TMEM94: variants seen among roughly 807,000 people sequenced by gnomAD.
TMEM94 encodes the protein ER Mg2+ ATPase.
Under a neutral mutation model 158.6 loss-of-function variants are expected in TMEM94, and 81 were observed. The observed-to-expected ratio is 0.51, with a 90% CI of 0.43 to 0.61. The LOEUF is 0.61. Among genes scored for constraint, TMEM94 ranks in the 20% least tolerant of loss-of-function variants. The probability of loss-of-function intolerance (pLI) is 0.00; values close to 1 mark genes in which losing one functional copy is unlikely to be tolerated. For synonymous variants in TMEM94, 751 were observed against 730.7 expected (o/e 1.03, Z -0.45); for missense variants, 1,435 against 1,762.0 (o/e 0.81, Z 3.32).
chr17:75,497,072 C>T lies in TMEM94; in HGVS notation c.3322-41C>T. 3.2e-6 allele frequency: 5 copies of T among 1,563,486 alleles called. No homozygotes were observed. The South Asian group carries it at 4.4e-5, about 14-fold the overall frequency. ...GGGGCTCCTATGCCCTTATTATTTGCCTGAATTGAACTGTGGCTCTTGGCT... is the reference window on the plus strand; with the variant it reads ...GGGGCTCCTATGCCCTTATTATTTGTCTGAATTGAACTGTGGCTCTTGGCT... On this transcript the variant is annotated intron_variant, in intron 25 of 31. Transcript: ENST00000314256.
chr17:75,497,867 G>A lies in TMEM94; in HGVS notation c.3489+5G>A. On this transcript the variant is annotated splice_donor_5th_base_variant and intron_variant, in intron 27 of 31. Coordinates refer to ENST00000314256, the MANE Select transcript of TMEM94 (RefSeq NM_014738.6). ...CTCCAGTCCATTCCCAAGAAGGTAA[G>A]CAAAACAGACCCTGTGAGCCTTGCA... 1.9e-6 allele frequency: 3 copies of A among 1,612,052 alleles called. No individual in the cohort carries two copies. The African/African-American group carries it at 4.0e-5, about 21-fold the overall frequency.
Position 75,491,968 on chromosome 17 carries a change from G to C in TMEM94, c.1596+68G>C. Reference sequence around the variant, plus strand: ...CAGGCTGTCCTGGCCTCCCTGGCCAGCCTGGCCTCACAAGGTCTGAAAGAG... The same window carrying C: ...CAGGCTGTCCTGGCCTCCCTGGCCACCCTGGCCTCACAAGGTCTGAAAGAG... On this transcript the variant is annotated intron_variant, in intron 14 of 31. Coordinates refer to ENST00000314256, the MANE Select transcript of TMEM94 (RefSeq NM_014738.6). This position sits in a 1 kb window ranked among gnomAD's most constrained non-coding sequence, Gnocchi z 5.1. 6.8e-7 allele frequency: 1 copy of C among 1,474,930 alleles called. No homozygotes were observed. The highest frequency in any genetic ancestry group is 2.5e-5 in the East Asian group (1 of 40,690). 91.4% of individuals were successfully genotyped at this position (1,474,930 alleles called of 1,614,324 possible).
At chr17:75,490,204 G>T in intron 9 of TMEM94, 30 bp from the exon 10 acceptor site, 1 of 1,613,326 alleles carries the variant, frequency 6.2e-7, no homozygotes, top group Non-Finnish European at 8.5e-7. Flanking sequence ...CGGAGCTCAG[G>T]AGCCATCTGT....
At position 75,493,587 on chromosome 17, in the gene TMEM94, C is replaced by T; in HGVS notation, c.2183C>T (p.Ser728Phe). ...DGADIYPLSG[S>F]DRKKVLDFYQ... ...GCTGACATCTACCCTCTCTCGGGAT[C>T]TGACAGGTGGGTGAGGAAGCACATG... is the stretch of plus-strand genomic sequence containing the variant. Residue 728 changes from serine to phenylalanine, a missense_variant, in exon 17 of 32, where the codon TCT becomes TTT. Ser to Phe is a radical substitution (Grantham distance 155, BLOSUM62 -2). Coordinates refer to ENST00000314256, the MANE Select transcript of TMEM94 (RefSeq NM_014738.6). 1 of 1,613,988 alleles carries T rather than the reference C, an allele frequency of 6.2e-7. No individual in the cohort carries two copies. The highest frequency in any genetic ancestry group is 1.3e-5 in the African/African-American group (1 of 75,066).
intron 23 of TMEM94, 49 bp downstream of exon 23, chr17:75,496,123 C>A (rs778013478): frequency 1.3e-6 from 2 of 1,538,666 alleles, no homozygotes; most frequent in African/African-American, 1.4e-5. Flanking sequence ...CCTCCCAGAC[C>A]GGAGGATCAG....
intron 18 of TMEM94, among the ~76,000 whole-genome samples, chr17:75,494,411 CTTG>C (rs1176315865): frequency 2.6e-5 from 4 of 152,210 alleles, no homozygotes; most frequent in East Asian, 1.9e-4. Context: ...GAAGCCACGC[CTTG>C]TTGTAGCTTC....
chr17:75,468,861 G>C (rs967898828), intron 1 of TMEM94, among the ~76,000 whole-genome samples: 3 of 152,156 alleles, frequency 2.0e-5, no homozygotes, highest in African/African-American at 7.2e-5. Context: ...GACAAGGCTT[G>C]CTCCTGGCCC....
Position 75,464,259 on chromosome 17 carries a change from C to T in TMEM94, c.-107+7508C>T, listed in dbSNP as rs529416461. ...TCTGCCTATAATTTCTTTCCTTTTC[C>T]CTCTGATCCATTTTCTACCCTCTTA... On this transcript the variant is annotated intron_variant, in intron 1 of 31. Coordinates refer to ENST00000314256, the MANE Select transcript of TMEM94 (RefSeq NM_014738.6). Among the ~76,000 whole-genome samples the T allele has an allele frequency of 4.2e-4, 64 of 152,144 alleles. 1 individual carries two copies. Among genetic ancestry groups the T allele is most frequent in the African/African-American group, 1.5e-3 (63 of 41,496 alleles).
At chr17:75,481,817 G>T (rs1286280735) in intron 2 of TMEM94, among the ~76,000 whole-genome samples, 1 of 152,194 alleles carries the variant, frequency 6.6e-6, no homozygotes, top group African/African-American at 2.4e-5. Context: ...TTGCTCAGGA[G>T]GTTTTCCAGA....
rs1567946709 is a variant in TMEM94, at chr17:75,488,082, T to A, written c.560T>A (p.Ile187Asn). Reference protein sequence around the residue: ...LPVSLLVEGDIIALRPGQESF... With the variant: ...LPVSLLVEGDNIALRPGQESF... ...GTCAGCCTGCTGGTTGAAGGAGACA[T>A]CATAGCTTTGAGGCCTGGCCAGGAA... is the stretch of plus-strand genomic sequence containing the variant. Residue 187 changes from isoleucine to asparagine, a missense_variant, in exon 6 of 32, where the codon ATC becomes AAC. Physicochemically the swap from Ile to Asn is moderately radical, Grantham distance 149. This residue lies in a region of TMEM94 where 1,051 missense variants were observed against 1,254.4 expected (regional missense o/e 0.84). Transcript: ENST00000314256. The A allele has an allele frequency of 1.2e-6, 2 of 1,614,120 alleles. No homozygotes were observed. The highest frequency in any genetic ancestry group is 1.7e-6 in the Non-Finnish European group (2 of 1,179,998).
chr17:75,478,358 G>GAAAAGA lies in TMEM94; in HGVS notation c.24+6440_24+6445dup, dbSNP rs1426536184. On this transcript the variant is annotated intron_variant, in intron 2 of 31. Transcript: ENST00000314256. ...AAAAAAAAAAAAAAAAAGAAAGAAAGAAAAGAAAAAGAAAAAAAGGAAAGG... is the reference window on the plus strand; with the variant it reads ...AAAAAAAAAAAAAAAAAGAAAGAAAGAAAAGAAAAAGAAAAAGAAAAAAAGGAAAGG... Among the ~76,000 whole-genome samples, 7 of 147,058 alleles carry GAAAAGA rather than the reference G, an allele frequency of 4.8e-5. No individual in the cohort carries two copies. In the South Asian group the frequency reaches 1.1e-3, roughly 23 times the overall value.
At chr17:75,490,397 G>A (rs1278769389) in intron 10 of TMEM94, 47 bp downstream of exon 10, 3 of 1,592,426 alleles carry the variant, frequency 1.9e-6, no homozygotes, top group Non-Finnish European at 2.6e-6. Flanking sequence ...AACAAAAAGA[G>A]GGAGCTGGCT....
intron 9 of TMEM94, 178 bp from the exon 10 acceptor site, chr17:75,490,056 C>A: frequency 7.1e-6 from 6 of 839,652 alleles, no homozygotes; most frequent in Non-Finnish European, 1.1e-5. Flanking sequence ...TCCAGCCTGG[C>A]GACGGAGCAA....
Position 75,490,863 on chromosome 17 carries a change from C to A in TMEM94, c.1128+105C>A, listed in dbSNP as rs958016699. On this transcript the variant is annotated intron_variant, in intron 11 of 31. Transcript: ENST00000314256. ...AGCCTCCAACCAGGCTCTTAGAGCC[C>A]CATGTCCACCCGTTACATGTGGACA... 5.5e-6 allele frequency: 6 copies of A among 1,093,102 alleles called. No homozygotes were observed. The Admixed American group carries it at 9.3e-5, about 17-fold the overall frequency. 67.7% of individuals were successfully genotyped at this position (1,093,102 alleles called of 1,614,324 possible). A position where few individuals can be genotyped will look rare whatever the true frequency, so the allele number is the denominator to read the frequency against.
At chr17:75,483,554 G>A (rs925196616) in intron 2 of TMEM94, among the ~76,000 whole-genome samples, 15 of 151,040 alleles carry the variant, frequency 9.9e-5, no homozygotes, top group African/African-American at 2.9e-4. Context: ...TCTGCCTCCC[G>A]GTTCAAGTGA....
rs1349734351 is a variant in TMEM94 at position 75,491,293 on chromosome 17, T to C, written c.1234-10T>C. ...AGGCCCCTTTCCTATCTCAAATGCT[T>C]TCCATGCAGGTCCTGTGCTGTGTGG... On this transcript the variant is annotated splice_polypyrimidine_tract_variant and intron_variant, in intron 12 of 31. Coordinates refer to ENST00000314256, the MANE Select transcript of TMEM94 (RefSeq NM_014738.6). This position sits in a 1 kb window ranked among gnomAD's most constrained non-coding sequence, Gnocchi z 5.1. 1.9e-6 allele frequency: 3 copies of C among 1,613,748 alleles called. No individual in the cohort carries two copies. The East Asian group carries it at 6.7e-5, about 36-fold the overall frequency.
At chr17:75,486,488 G>A (rs547782286) in intron 5 of TMEM94, 62 bp downstream of exon 5, 201 of 1,603,994 alleles carry the variant, frequency 1.3e-4, no homozygotes, top group Non-Finnish European at 1.6e-4. Context: ...AGCCCTGAGG[G>A]CTCCCCTCCT....
In TMEM94 at chr17:75,492,667, G is replaced by T; in HGVS notation, c.1790G>T (p.Ser597Ile). The T allele has an allele frequency of 6.2e-7, 1 of 1,613,892 alleles. No homozygotes were observed. The highest frequency in any genetic ancestry group is 8.5e-7 in the Non-Finnish European group (1 of 1,180,024). The part of the protein sequence containing the change: ...LNVLLNLCDA[S>I]VTERLCRFSD... ...GTGCTGCTGAACCTGTGTGATGCCA[G>T]CGTCACCGAGCGCCTGTGCCGATTC... The change falls in exon 15 of 32, where the codon AGC (serine) becomes ATC (isoleucine). Residue 597 changes from serine to isoleucine, a missense_variant. Physicochemically the swap from Ser to Ile is moderately radical, Grantham distance 142. This residue lies in a region of TMEM94 where 1,051 missense variants were observed against 1,254.4 expected (regional missense o/e 0.84). Coordinates refer to ENST00000314256, the MANE Select transcript of TMEM94 (RefSeq NM_014738.6). The surrounding 1 kb of genome is among the most constrained non-coding windows in gnomAD (Gnocchi z 4.4).
intron 1 of TMEM94, among the ~76,000 whole-genome samples, chr17:75,463,327 T>G (rs2050180935): frequency 6.6e-6 from 1 of 151,142 alleles, no homozygotes; most frequent in African/African-American, 2.4e-5. Flanking sequence ...CCATTATACC[T>G]TTCTAGCCCT....
Sources: allele counts gnomAD v4.1 joint callset (sites outside exome capture counted in the v4.1 genomes callset), GRCh38; gene constraint gnomAD v4.1.1; regional missense constraint gnomAD v4.1.1; non-coding constraint Gnocchi (gnomAD v3.1); transcripts MANE v1.5; gene names NCBI Gene and HGNC (gene_info 2026-07-23, HGNC 2026-07-21).